Variants in TYW1 observed in about 807,000 individuals in gnomAD.
The protein encoded by TYW1 is S-adenosyl-L-methionine-dependent tRNA 4-demethylwyosine synthase TYW1.
TYW1 carries 46 observed loss-of-function variants against 96.2 expected under a neutral mutation model. The observed-to-expected ratio is 0.48, with a 90% CI of 0.38 to 0.61. The LOEUF (loss-of-function observed/expected upper bound fraction) is 0.61. Ranked by LOEUF, TYW1 falls within the 20% of genes least tolerant of loss-of-function variation. TYW1 has a pLI of 0.00. For missense variants in TYW1, 684 were observed against 909.6 expected, an observed-to-expected ratio of 0.75 and a Z score of 3.19; for synonymous variants, 274 against 323.0, an observed-to-expected ratio of 0.85 and a Z score of 1.63.
intron 4 of TYW1, among the ~76,000 whole-genome samples, chr7:67,011,210 G>A (rs1274785869): frequency 1.3e-5 from 2 of 152,056 alleles, no homozygotes; most frequent in Non-Finnish European, 2.9e-5. Flanking sequence ...GCTAATTTTT[G>A]TATTTTTAGT....
intron 15 of TYW1, among the ~76,000 whole-genome samples, chr7:67,221,150 CT>C (rs1563077698): frequency 1.3e-5 from 2 of 152,076 alleles, no homozygotes; most frequent in Non-Finnish European, 2.9e-5. Context: ...TCAATATCTG[CT>C]TTGTATATGT....
chr7:67,076,281 C>G (rs566057856), intron 10 of TYW1, among the ~76,000 whole-genome samples: 19 of 152,288 alleles, frequency 1.2e-4, no homozygotes, highest in Admixed American at 2.6e-4. Context: ...TCAGTGTACT[C>G]TCATGGCAGA....
Position 67,215,283 on chromosome 7 carries a change from C to G in TYW1, c.1977+19946C>G, listed in dbSNP as rs188656080. Among the ~76,000 whole-genome samples the G allele has an allele frequency of 2.7e-3, 416 of 151,970 alleles. 4 individuals carry two copies. The highest frequency in any genetic ancestry group is 4.3e-3 in the Non-Finnish European group (292 of 67,996). On this transcript the variant is annotated intron_variant, in intron 15 of 15. Coordinates refer to ENST00000359626, the MANE Select transcript of TYW1 (RefSeq NM_018264.4). ...GACCCACATTAGCTCAAGCACCCAC[C>G]CCCACTTGACGCAGTCACAAGTCCC...
intron 7 of TYW1, among the ~76,000 whole-genome samples, chr7:67,031,192 C>CAAAAAAA (rs60531853): frequency 9.3e-5 from 10 of 107,798 alleles, no homozygotes; most frequent in Non-Finnish European, 1.4e-4. Context: ...GACTCCATCT[C>CAAAAAAA]AAAAAAAAAA....
In TYW1 at chr7:67,049,948, G is replaced by C. The variant is rs1354235441; in HGVS notation, c.985-1G>C. ...TTTCATTCTTTTTTATTTTAATGCA[G>C]AGAGAAAAGGAACAGCAGGAAGAGA... On this transcript the variant is annotated splice_acceptor_variant, in intron 7 of 15. Transcript: ENST00000359626. LOFTEE classifies it high-confidence loss of function. The C allele has an allele frequency of 6.2e-7, 1 of 1,613,142 alleles. No homozygotes were observed. The highest frequency in any genetic ancestry group is 1.7e-5 in the Admixed American group (1 of 59,646).
intron 12 of TYW1, among the ~76,000 whole-genome samples, chr7:67,114,920 A>T (rs1483261229): frequency 6.6e-6 from 1 of 151,930 alleles, no homozygotes; most frequent in African/African-American, 2.4e-5. Flanking sequence ...AGAGATCTGT[A>T]GACTTCCTTG....
intron 13 of TYW1, among the ~76,000 whole-genome samples, chr7:67,139,578 C>T (rs534218653): frequency 2.3e-4 from 35 of 152,092 alleles, no homozygotes; most frequent in Non-Finnish European, 3.7e-4. Context: ...CCCTGCAGAA[C>T]CCACAGATAT....
intron 14 of TYW1, among the ~76,000 whole-genome samples, chr7:67,194,805 G>C (rs1452180364): frequency 1.4e-5 from 2 of 147,782 alleles, no homozygotes; most frequent in African/African-American, 5.1e-5. Flanking sequence ...GTCCTAAGGG[G>C]TGATAACCCC....
chr7:67,212,075 G>C (rs997096094), intron 15 of TYW1, among the ~76,000 whole-genome samples: 39 of 152,118 alleles, frequency 2.6e-4, no homozygotes, highest in Admixed American at 9.2e-4. Context: ...GTATCACTTA[G>C]AATAATTTTC....
rs554224846 is a variant in TYW1, at chr7:67,104,363, G to A, written c.1562+5645G>A. Among the ~76,000 whole-genome samples, 3 of 152,298 alleles carry A rather than the reference G, an allele frequency of 2.0e-5. No homozygotes were observed. In the East Asian group the frequency reaches 5.8e-4, roughly 29 times the overall value. Reference sequence around the variant, plus strand: ...TGGCAGAAGGCAAAGGGGAAAGCAGGCACATCTTCACACAGCAGGAGGAAG... The same window carrying A: ...TGGCAGAAGGCAAAGGGGAAAGCAGACACATCTTCACACAGCAGGAGGAAG... On this transcript the variant is annotated intron_variant, in intron 12 of 15. Coordinates refer to ENST00000359626, the MANE Select transcript of TYW1 (RefSeq NM_018264.4).
At chr7:67,105,206 C>T (rs1797198874) in intron 12 of TYW1, among the ~76,000 whole-genome samples, 1 of 152,242 alleles carries the variant, frequency 6.6e-6, no homozygotes, top group Non-Finnish European at 1.5e-5. Context: ...GCACTCAGAT[C>T]TACAGGGCAG....
At chr7:67,210,993 G>A (rs557749288) in intron 15 of TYW1, among the ~76,000 whole-genome samples, 1 of 150,968 alleles carries the variant, frequency 6.6e-6, no homozygotes, top group East Asian at 1.9e-4. Flanking sequence ...GTCTGTCTAT[G>A]TGTCTATATC....
intron 10 of TYW1, among the ~76,000 whole-genome samples, chr7:67,075,515 C>T (rs1796174160): frequency 6.6e-6 from 1 of 152,144 alleles, no homozygotes; most frequent in African/African-American, 2.4e-5. Flanking sequence ...TGTGGTGTAT[C>T]CATTCCAAGG....
intron 7 of TYW1, among the ~76,000 whole-genome samples, chr7:67,040,666 G>A (rs184959284): frequency 1.0e-3 from 159 of 152,058 alleles, no homozygotes; most frequent in Admixed American, 2.3e-3. Flanking sequence ...GCAACATGAC[G>A]AAACCCTATC....
At chr7:67,002,178 G>A (rs1397941511) in intron 3 of TYW1, among the ~76,000 whole-genome samples, 1 of 151,502 alleles carries the variant, frequency 6.6e-6, no homozygotes, top group African/African-American at 2.4e-5. Flanking sequence ...CTCCTGGGTA[G>A]ATGGGAATAT....
At chr7:67,103,216 T>C (rs1465931021) in intron 12 of TYW1, among the ~76,000 whole-genome samples, 2 of 152,208 alleles carry the variant, frequency 1.3e-5, no homozygotes, top group East Asian at 1.9e-4. Context: ...GAATTTCTGA[T>C]AATGGAAGTC....
chr7:67,116,333 AAAAAGAAAAG>A (rs367638874), intron 12 of TYW1, among the ~76,000 whole-genome samples: 1 of 150,298 alleles, frequency 6.7e-6, no homozygotes, highest in Non-Finnish European at 1.5e-5. Context: ...TCAAAAAAAA[AAAAAGAAAAG>A]AAAAGAAAAG....
At chr7:67,150,279 A>T (rs927207625) in intron 13 of TYW1, among the ~76,000 whole-genome samples, 3 of 152,122 alleles carry the variant, frequency 2.0e-5, no homozygotes, top group Non-Finnish European at 4.4e-5. Flanking sequence ...CTGAAAGGGA[A>T]ATAGGGAAGT....
intron 7 of TYW1, among the ~76,000 whole-genome samples, chr7:67,038,794 C>T (rs546407566): frequency 2.6e-5 from 4 of 152,194 alleles, no homozygotes; most frequent in African/African-American, 9.6e-5. Flanking sequence ...GTCCCAGCTA[C>T]TCGGGAGGTT....
Sources: allele counts gnomAD v4.1 joint callset (sites outside exome capture counted in the v4.1 genomes callset), GRCh38; gene constraint gnomAD v4.1.1; transcripts MANE v1.5; gene names NCBI Gene and HGNC (gene_info 2026-07-23, HGNC 2026-07-21).